The following DMRT1 variants were observed in gnomAD, a reference collection of about 807,000 sequenced individuals.
DMRT1 encodes the protein doublesex and mab-3 related transcription factor 1.
Under a neutral mutation model 32.3 loss-of-function variants are expected in DMRT1, and 7 were observed. That is an observed-to-expected ratio of 0.22 (90% CI 0.12 to 0.41). DMRT1 has a LOEUF of 0.41. Ranked by LOEUF, DMRT1 falls within the 10% of genes least tolerant of loss-of-function variation. The pLI is 1.00. For missense variants in DMRT1, 625 were observed against 500.5 expected (o/e 1.25, Z -2.37); for synonymous variants, 278 against 206.1 (o/e 1.35, Z -2.99).
intron 3 of DMRT1, among the ~76,000 whole-genome samples, chr9:905,911 G>T (rs144166088): frequency 2.3e-4 from 35 of 152,224 alleles, no homozygotes; most frequent in Middle Eastern, 6.8e-3. Flanking sequence ...CTCTGTTCCC[G>T]TGGTGTCTCT....
Position 940,497 on chromosome 9 carries a change from T to TAA in DMRT1, c.967+23599_967+23600dup, listed in dbSNP as rs138206653. ...GAGCTAGGAAAACTGGCTATCCACA[T>TAA]AAAAAAAAAATGAAGTTGGAGTCTT... On this transcript the variant is annotated intron_variant, in intron 4 of 4. Transcript: ENST00000382276. Among the ~76,000 whole-genome samples, 282 of 148,996 alleles carry TAA rather than the reference T, an allele frequency of 1.9e-3. 1 individual carries two copies. Among genetic ancestry groups the TAA allele is most frequent in the African/African-American group, 4.9e-3 (202 of 40,940 alleles).
chr9:899,929 C>T (rs1414506074), intron 3 of DMRT1, among the ~76,000 whole-genome samples: 1 of 152,204 alleles, frequency 6.6e-6, no homozygotes, highest in African/African-American at 2.4e-5. Flanking sequence ...CAAATGGCAG[C>T]ACTGGCAGTT....
intron 1 of DMRT1, among the ~76,000 whole-genome samples, chr9:846,590 G>C (rs1838916049): frequency 6.6e-6 from 1 of 151,496 alleles, no homozygotes; most frequent in Non-Finnish European, 1.5e-5. Context: ...TTTTTTATTT[G>C]TTTGTTAAGA....
intron 3 of DMRT1, among the ~76,000 whole-genome samples, chr9:913,834 A>G (rs561449075): frequency 3.0e-4 from 45 of 152,346 alleles, no homozygotes; most frequent in African/African-American, 1.0e-3. Flanking sequence ...CAGAGGTTGC[A>G]GTGAGCCGAG....
At chr9:886,393 C>A (rs1816929576) in intron 2 of DMRT1, among the ~76,000 whole-genome samples, 2 of 152,262 alleles carry the variant, frequency 1.3e-5, no homozygotes, top group Admixed American at 6.5e-5. Context: ...GTAGCTGGGA[C>A]TACAGGCACG....
At chr9:913,759 G>A (rs922267638) in intron 3 of DMRT1, among the ~76,000 whole-genome samples, 2 of 152,122 alleles carry the variant, frequency 1.3e-5, no homozygotes, top group Admixed American at 6.5e-5. Flanking sequence ...CGGACGTGGT[G>A]GGGCATGTCT....
chr9:968,122 A>C lies in DMRT1; in HGVS notation c.1105A>C (p.Ile369Leu). The change falls in exon 5 of 5, where the codon ATC becomes CTC. Residue 369 changes from isoleucine (I) to leucine (L), a missense_variant. This residue lies in a region of DMRT1 where 416 missense variants were observed against 321.6 expected (regional missense o/e 1.29). Transcript: ENST00000382276. ...CAGCAGCTTCACAGTCACTCCCGTC[A>C]TCGAGGAGGACGAGTGAGCAGTGCC... ...EPSSFTVTPV[I>L]EEDE The C allele has an allele frequency of 6.2e-7, 1 of 1,612,716 alleles. No homozygotes were observed. The highest frequency in any genetic ancestry group is 8.5e-7 in the Non-Finnish European group (1 of 1,179,996).
intron 2 of DMRT1, among the ~76,000 whole-genome samples, chr9:849,157 C>T (rs2132548088): frequency 6.6e-6 from 1 of 152,146 alleles, no homozygotes; most frequent in East Asian, 1.9e-4. Context: ...GGTAAGGAGA[C>T]TGCCACAGAA....
intron 4 of DMRT1, among the ~76,000 whole-genome samples, chr9:955,646 C>T (rs953938331): frequency 1.3e-5 from 2 of 152,174 alleles, no homozygotes; most frequent in Admixed American, 1.3e-4. Context: ...ATTGAGGCTG[C>T]AGTAAGCCGT....
intron 2 of DMRT1, among the ~76,000 whole-genome samples, chr9:886,534 G>A (rs950694013): frequency 1.3e-5 from 2 of 152,006 alleles, no homozygotes; most frequent in African/African-American, 4.8e-5. Flanking sequence ...GGGATTACAC[G>A]CGTGAGCCAC....
intron 2 of DMRT1, among the ~76,000 whole-genome samples, chr9:872,271 C>CT: frequency 6.6e-6 from 1 of 152,086 alleles, no homozygotes; most frequent in East Asian, 1.9e-4. Flanking sequence ...CCATGTTGGC[C>CT]AGGCTGGTCT....
Position 846,949 on chromosome 9 carries a change from T to C in DMRT1, c.355-11T>C, listed in dbSNP as rs1385780660. 1.2e-6 allele frequency: 2 copies of C among 1,614,082 alleles called. No individual in the cohort carries two copies. Among genetic ancestry groups the C allele is most frequent in the South Asian group, 2.2e-5 (2 of 91,080 alleles). ...AGTGCTGGAGGATGACTCATTGTCG[T>C]GTGCTTCCAGGTGGCCCTGAGAAGG... is the stretch of plus-strand genomic sequence containing the variant. On this transcript the variant is annotated splice_polypyrimidine_tract_variant and intron_variant, in intron 1 of 4. Transcript: ENST00000382276.
Position 862,186 on chromosome 9 carries a change from C to G in DMRT1, c.538+15043C>G, listed in dbSNP as rs547841772. ...TGGAGGTTGTAGCGAGCCGAGATCA[C>G]GCCACTGCACTCCAGCCTGGGCAAC... On this transcript the variant is annotated intron_variant, in intron 2 of 4. Coordinates refer to ENST00000382276, the MANE Select transcript of DMRT1 (RefSeq NM_021951.3). 1.3e-3 allele frequency among the ~76,000 whole-genome samples: 195 copies of G among 151,310 alleles called. 1 individual carries two copies. Among genetic ancestry groups the G allele is most frequent in the African/African-American group, 4.3e-3 (177 of 41,380 alleles).
At chr9:913,856 G>A (rs1818076725) in intron 3 of DMRT1, among the ~76,000 whole-genome samples, 1 of 152,004 alleles carries the variant, frequency 6.6e-6, no homozygotes, top group South Asian at 2.1e-4. Flanking sequence ...TTGTGCCATT[G>A]CACTCCAGCC....
intron 2 of DMRT1, among the ~76,000 whole-genome samples, chr9:852,871 C>T (rs1360544123): frequency 1.3e-5 from 2 of 152,192 alleles, no homozygotes; most frequent in Admixed American, 1.3e-4. Flanking sequence ...CTTTCCTTCA[C>T]TTTTCTTCAG....
intron 4 of DMRT1, among the ~76,000 whole-genome samples, chr9:926,327 C>T (rs1468755600): frequency 1.3e-5 from 2 of 152,108 alleles, no homozygotes; most frequent in Non-Finnish European, 2.9e-5. Context: ...TTGATAAGGG[C>T]AGAAATCACA....
rs1273507545 is a variant in DMRT1 at position 890,083 on chromosome 9, G to GGGTTTTTTTTTTTT, written c.539-3829_539-3828insGGTTTTTTTTTTTT. Among the ~76,000 whole-genome samples, 25 of 108,900 alleles carry GGGTTTTTTTTTTTT rather than the reference G, an allele frequency of 2.3e-4. 1 individual carries two copies. The highest frequency in any genetic ancestry group is 7.6e-4 in the African/African-American group (24 of 31,510). The allele number at this position is 108,900 out of a possible 152,430, so 71.4% of individuals were successfully genotyped here. A position where few individuals can be genotyped will look rare whatever the true frequency, so the allele number is the denominator to read the frequency against. The stretch of plus-strand genomic sequence containing the variant: ...AAACCACCACTTAACGCCACCAAAC[G>GGGTTTTTTTTTTTT]TGTTTTTTTTTTTTTTTTTTTTTGA... On this transcript the variant is annotated intron_variant, in intron 2 of 4. Transcript: ENST00000382276.
At chr9:853,051 CACAACGGAAGA>C in intron 2 of DMRT1, among the ~76,000 whole-genome samples, 1 of 152,066 alleles carries the variant, frequency 6.6e-6, no homozygotes, top group Non-Finnish European at 1.5e-5. Context: ...CTGGTGAATT[CACAACGGAAGA>C]TAGTTGTTTA....
intron 4 of DMRT1, among the ~76,000 whole-genome samples, chr9:921,133 T>C (rs1465198504): frequency 6.6e-6 from 1 of 152,144 alleles, no homozygotes; most frequent in Non-Finnish European, 1.5e-5. Flanking sequence ...CAAGGCACTT[T>C]CATCACCCCA....
Sources: gnomAD v4.1 joint callset for allele counts (sites outside exome capture counted in the v4.1 genomes callset) on GRCh38, gnomAD v4.1.1 for gene constraint, gnomAD v4.1.1 regional missense constraint, MANE v1.5 for transcripts, NCBI Gene and HGNC (gene_info 2026-07-23, HGNC 2026-07-21) for gene names.